Variants in BCL7C observed in about 807,000 individuals in gnomAD.
The protein encoded by BCL7C is B-cell CLL/lymphoma 7 protein family member C.
A neutral mutation model predicts 26.2 loss-of-function variants in BCL7C; 8 were observed. The ratio of observed to expected loss-of-function variants is 0.30; its 90% CI spans 0.18 to 0.55. The LOEUF is 0.55. BCL7C is among the 20% of genes least tolerant of loss of function. BCL7C has a pLI of 0.93. For missense variants in BCL7C, 262 were observed against 298.5 expected (o/e 0.88, Z 0.90); for synonymous variants, 90 against 116.5 (o/e 0.77, Z 1.47).
intron 5 of BCL7C, among the ~76,000 whole-genome samples, chr16:30,874,411 G>A (rs964010363): frequency 6.6e-6 from 1 of 152,108 alleles, no homozygotes; most frequent in Non-Finnish European, 1.5e-5. Context: ...GAGCCCAGGA[G>A]TTCCAGACCA....
intron 5 of BCL7C, among the ~76,000 whole-genome samples, chr16:30,866,223 T>C (rs4889630): frequency 0.78 from 119,164 of 151,924 alleles, 47,284 homozygotes; most frequent in East Asian, 0.91. Flanking sequence ...TTATTTACCA[T>C]GTATCCATAG....
chr16:30,867,548 T>G (rs2054839610), intron 5 of BCL7C, among the ~76,000 whole-genome samples: 1 of 152,084 alleles, frequency 6.6e-6, no homozygotes, highest in African/African-American at 2.4e-5. Flanking sequence ...ATCCCAGCAC[T>G]TTGGAAGGCC....
chr16:30,833,885 T>C (rs1331955398), exon 6 of BCL7C: 1 of 152,250 alleles, frequency 6.6e-6, no homozygotes, highest in African/African-American at 2.4e-5. Flanking sequence ...AACCCCGCTG[T>C]GTCCCAGCAC....
At position 30,838,258 on chromosome 16, in the gene BCL7C, C is replaced by T. The variant is rs118177627; in HGVS notation, c.529-3110G>A. ...CTCAGTTTTCTTATTTGTAAGTAGG[C>T]ATAATAATCCCTACCCAAAAGGAAT... On this transcript the variant is annotated intron_variant, in intron 5 of 5. Coordinates refer to the BCL7C transcript ENST00000380317. 1.3e-3 allele frequency among the ~76,000 whole-genome samples: 193 copies of T among 152,246 alleles called. 1 individual carries two copies. The highest frequency in any genetic ancestry group is 2.8e-3 in the Admixed American group (43 of 15,284).
chr16:30,888,654 C>T, intron 5 of BCL7C: 1 of 448,500 alleles, frequency 2.2e-6, no homozygotes. Context: ...TTTTAATGGT[C>T]TCAATCAGCC....
chr16:30,879,968 T>A (rs2055017481), intron 5 of BCL7C, among the ~76,000 whole-genome samples: 1 of 148,636 alleles, frequency 6.7e-6, no homozygotes, highest in South Asian at 2.3e-4. Context: ...CCAGCCTGGG[T>A]GACAGAGCGT....
intron 5 of BCL7C, chr16:30,875,486 G>A (rs1035830524): frequency 5.3e-5 from 8 of 152,316 alleles, no homozygotes; most frequent in Non-Finnish European, 1.5e-5. Context: ...GCGTCACAAA[G>A]GTTGGAAGGG....
chr16:30,844,087 C>T (rs1388743212), intron 5 of BCL7C, among the ~76,000 whole-genome samples: 3 of 142,276 alleles, frequency 2.1e-5, no homozygotes, highest in Non-Finnish European at 4.5e-5. Context: ...CGTGGTGGCT[C>T]ATGCCTATAA....
At chr16:30,865,226 T>C (rs1433458422) in intron 5 of BCL7C, among the ~76,000 whole-genome samples, 1 of 148,090 alleles carries the variant, frequency 6.8e-6, no homozygotes, top group African/African-American at 2.5e-5. Context: ...CCCTTGAGAA[T>C]GTACTTTGTA....
At chr16:30,889,137 G>A (rs1374190052) in intron 4 of BCL7C, among the ~76,000 whole-genome samples, 192 bp from the exon 5 acceptor site, 1 of 152,186 alleles carries the variant, frequency 6.6e-6, no homozygotes, top group African/African-American at 2.4e-5. Flanking sequence ...GCTCGAGGGT[G>A]ATGCGGTGGA....
At chr16:30,871,657 G>A (rs767672914) in intron 5 of BCL7C, among the ~76,000 whole-genome samples, 1 of 151,974 alleles carries the variant, frequency 6.6e-6, no homozygotes, top group African/African-American at 2.4e-5. Flanking sequence ...GCTTATTTTT[G>A]CATTTTTAGT....
At chr16:30,881,392 T>TCACACACACA (rs72155482) in intron 5 of BCL7C, among the ~76,000 whole-genome samples, 5,857 of 144,128 alleles carry the variant, frequency 0.041, 156 homozygotes, top group South Asian at 0.13. Flanking sequence ...TGAGACTCCG[T>TCACACACACA]CACACACACA....
In BCL7C at chr16:30,892,667, G is replaced by C. The variant is rs578156778; in HGVS notation, c.361C>G (p.Pro121Ala). Residue 121 changes from proline (P) to alanine (A), a missense_variant, in exon 4 of 6, where the codon CCC becomes GCC. Physicochemically the swap from Pro to Ala is conservative, Grantham distance 27 (BLOSUM62 -1). Coordinates refer to ENST00000215115, the MANE Select transcript of BCL7C (RefSeq NM_004765.4). Reference sequence around the variant, plus strand: ...CCGGCAGGTGACACAGGGCGGCTGGGCTGGGGGGTGCCCCCAGGACTGGGC... The same window carrying C: ...CCGGCAGGTGACACAGGGCGGCTGGCCTGGGGGGTGCCCCCAGGACTGGGC... ...TEPSPGGTPQ[P>A]SRPVSPAGPP... 1 of 1,613,906 alleles carries C rather than the reference G, an allele frequency of 6.2e-7. No homozygotes were observed. Among genetic ancestry groups the C allele is most frequent in the Non-Finnish European group, 8.5e-7 (1 of 1,179,906 alleles).
intron 4 of BCL7C, among the ~76,000 whole-genome samples, chr16:30,890,349 G>A (rs1299368601): frequency 6.6e-6 from 1 of 151,526 alleles, no homozygotes. Flanking sequence ...GAGCAAGATC[G>A]TGCCACTGCA....
chr16:30,888,754 GTCTGCC>G (rs1244437821), intron 5 of BCL7C, 100 bp downstream of exon 5: 3 of 1,023,458 alleles, frequency 2.9e-6, no homozygotes, highest in Non-Finnish European at 4.4e-6. Flanking sequence ...TCTGTCCCAG[GTCTGCC>G]TCTCCTCCAG....
rs535979398 is a variant in BCL7C, at chr16:30,841,499, C to T, written c.529-6351G>A. ...GCTGAGGGCCATCACTCCCTGGCTCCGGGCTCCTTGAAGTTATCTACTGGG... is the reference window on the plus strand; with the variant it reads ...GCTGAGGGCCATCACTCCCTGGCTCTGGGCTCCTTGAAGTTATCTACTGGG... On this transcript the variant is annotated intron_variant, in intron 5 of 5. Transcript: ENST00000380317. Among the ~76,000 whole-genome samples the T allele has an allele frequency of 5.3e-5, 8 of 152,298 alleles. No homozygotes were observed. The South Asian group carries it at 6.2e-4, about 12-fold the overall frequency.
At chr16:30,852,311 C>T (rs573979876) in intron 5 of BCL7C, 1 of 152,230 alleles carries the variant, frequency 6.6e-6, no homozygotes, top group African/African-American at 2.4e-5. Context: ...TGTCTAACAT[C>T]ATTTCCATAG....
rs1013697374 is a variant in BCL7C at position 30,866,641 on chromosome 16, G to GA, written c.528+22218dup. On this transcript the variant is annotated intron_variant, in intron 5 of 5. Coordinates refer to the BCL7C transcript ENST00000380317. The stretch of plus-strand genomic sequence containing the variant: ...CTTGATGAAACCCACCAAAGTTAAA[G>GA]AAAAAAAAAGGCACAGAGGAAAACA... Among the ~76,000 whole-genome samples the GA allele has an allele frequency of 7.5e-5, 11 of 146,990 alleles. 1 individual carries two copies. Among genetic ancestry groups the GA allele is most frequent in the African/African-American group, 1.5e-4 (6 of 39,852 alleles).
intron 5 of BCL7C, among the ~76,000 whole-genome samples, chr16:30,850,777 G>A (rs930704838): frequency 4.6e-5 from 7 of 152,188 alleles, no homozygotes; most frequent in African/African-American, 1.7e-4. Context: ...TGCCCTAGAT[G>A]AGTTAGTAAG....
Sources: gnomAD v4.1 joint callset for allele counts (sites outside exome capture counted in the v4.1 genomes callset) on GRCh38, gnomAD v4.1.1 for gene constraint, MANE v1.5 for transcripts, NCBI Gene and HGNC (gene_info 2026-07-23, HGNC 2026-07-21) for gene names.